Variants in SMAD7 observed in about 807,000 individuals in gnomAD.
SMAD7 encodes the protein SMAD family member 7, also known as MAD (mothers against decapentaplegic, Drosophila) homolog 7.
SMAD7 carries 8 observed loss-of-function variants against 38.7 expected under a neutral mutation model. That is an observed-to-expected ratio of 0.21 (90% confidence interval 0.12 to 0.37). SMAD7 has a LOEUF of 0.37. Ranked by LOEUF, SMAD7 falls within the 10% of genes least tolerant of loss-of-function variation. The pLI is 1.00. For missense variants in SMAD7, 477 were observed against 577.9 expected (o/e 0.83, Z 1.79); for synonymous variants, 327 against 265.1 (o/e 1.23, Z -2.27).
At chr18:48,928,483 T>G (rs2069955205) in intron 3 of SMAD7, among the ~76,000 whole-genome samples, 1 of 152,102 alleles carries the variant, frequency 6.6e-6, no homozygotes, top group Admixed American at 6.6e-5. Context: ...CAGAAATGAC[T>G]TTTTACTCTG....
At chr18:48,943,985 G>A (rs2070170147) in intron 2 of SMAD7, among the ~76,000 whole-genome samples, 1 of 152,126 alleles carries the variant, frequency 6.6e-6, no homozygotes, top group African/African-American at 2.4e-5. Flanking sequence ...GGCTGCGGTG[G>A]GTAGGGGGAA....
At chr18:48,928,843 T>C (rs2069959300) in intron 3 of SMAD7, among the ~76,000 whole-genome samples, 1 of 152,112 alleles carries the variant, frequency 6.6e-6, no homozygotes, top group Non-Finnish European at 1.5e-5. Flanking sequence ...TATCTCGCCA[T>C]GGAGAATGTA....
intron 3 of SMAD7, among the ~76,000 whole-genome samples, chr18:48,940,947 T>C (rs944869076): frequency 2.0e-5 from 3 of 152,168 alleles, no homozygotes; most frequent in African/African-American, 7.2e-5. Context: ...AGACAAGATG[T>C]TATCAAGAAG....
In SMAD7 at chr18:48,920,474, G is replaced by C. The variant is rs1263378036; in HGVS notation, c.*898C>G. 6.6e-6 allele frequency: 1 copy of C among 152,452 alleles called. No homozygotes were observed. The highest frequency in any genetic ancestry group is 2.4e-5 in the African/African-American group (1 of 41,450). The allele number at this position is 152,452 out of a possible 1,614,324, so 9.4% of individuals were successfully genotyped here. A position where few individuals can be genotyped will look rare whatever the true frequency, so the allele number is the denominator to read the frequency against. ...TAGCAGAGCTTAACACACAGGATGG[G>C]AGCAGGCAGTGCTGAGCTGGTTTTC... is the stretch of plus-strand genomic sequence containing the variant. On this transcript the variant is annotated 3_prime_UTR_variant, in exon 4 of 4. Coordinates refer to ENST00000262158, the MANE Select transcript of SMAD7 (RefSeq NM_005904.4).
chr18:48,922,951 G>T (rs1433812252), intron 3 of SMAD7, among the ~76,000 whole-genome samples: 4 of 152,164 alleles, frequency 2.6e-5, no homozygotes, highest in African/African-American at 9.7e-5. Flanking sequence ...ACTTTAAAAG[G>T]GGGGTCACAC....
chr18:48,948,196 G>A (rs189216019), intron 2 of SMAD7, among the ~76,000 whole-genome samples, 188 bp downstream of exon 2: 9 of 152,274 alleles, frequency 5.9e-5, no homozygotes, highest in Non-Finnish European at 7.3e-5. Context: ...TCAAGGGAAC[G>A]TCTTTGCAAA....
chr18:48,926,824 C>A (rs1479247260), intron 3 of SMAD7, among the ~76,000 whole-genome samples: 1 of 152,216 alleles, frequency 6.6e-6, no homozygotes, highest in Non-Finnish European at 1.5e-5. Flanking sequence ...ATCCCCTGCT[C>A]CCAACCCTGT....
chr18:48,921,510 A>G lies in SMAD7; in HGVS notation c.1143T>C (p.Asn381=), dbSNP rs373794913. ...YEKAYSLQRP[N]DHEFMQQPWT... is the part of the protein sequence containing the mutation. ...ACGGCTGCTGCATAAACTCGTGGTC[A>G]TTGGGCCGCTGCAGGCTGTACGCCT... Residue 381 remains asparagine, a synonymous_variant, in exon 4 of 4, where the codon AAT becomes AAC. Coordinates refer to ENST00000262158, the MANE Select transcript of SMAD7 (RefSeq NM_005904.4). The surrounding 1 kb of genome is among the most constrained non-coding windows in gnomAD (Gnocchi z 6.4). The G allele has an allele frequency of 6.2e-7, 1 of 1,614,102 alleles. No homozygotes were observed. Among genetic ancestry groups the G allele is most frequent in the African/African-American group, 1.3e-5 (1 of 74,932 alleles).
In SMAD7 at chr18:48,950,785, C is replaced by G. The variant is rs1250375952; in HGVS notation, c.-361G>C. On this transcript the variant is annotated 5_prime_UTR_variant, in exon 1 of 4. Transcript: ENST00000262158. ...CCGAGCCTGCCCCCGTCGGCGCCTC[C>G]CCAAAAAGAGGCCCCCCCGCAGTGG... is the stretch of plus-strand genomic sequence containing the variant. The G allele has an allele frequency of 3.3e-5, 5 of 150,928 alleles. No homozygotes were observed. The highest frequency in any genetic ancestry group is 1.2e-4 in the African/African-American group (5 of 41,304). 9.3% of individuals were successfully genotyped at this position (150,928 alleles called of 1,614,324 possible). A position where few individuals can be genotyped will look rare whatever the true frequency, so the allele number is the denominator to read the frequency against.
At chr18:48,927,679 C>G (rs967126095) in intron 3 of SMAD7, among the ~76,000 whole-genome samples, 3 of 152,208 alleles carry the variant, frequency 2.0e-5, no homozygotes, top group Non-Finnish European at 2.9e-5. Flanking sequence ...GCTGCACACA[C>G]GTTGGTCTCA....
At chr18:48,943,602 G>A (rs1212860065) in intron 2 of SMAD7, among the ~76,000 whole-genome samples, 4 of 152,188 alleles carry the variant, frequency 2.6e-5, no homozygotes, top group Non-Finnish European at 1.5e-5. Context: ...CGGAGAGCCC[G>A]GCTAAGGAAA....
At chr18:48,941,463 C>A (rs946265634) in intron 3 of SMAD7, among the ~76,000 whole-genome samples, 1 of 152,194 alleles carries the variant, frequency 6.6e-6, no homozygotes, top group Non-Finnish European at 1.5e-5. Flanking sequence ...GGAAGACACA[C>A]CACCAAGTAG....
intron 3 of SMAD7, among the ~76,000 whole-genome samples, chr18:48,923,508 G>A (rs2069889018): frequency 6.6e-6 from 1 of 152,190 alleles, no homozygotes; most frequent in Non-Finnish European, 1.5e-5. Flanking sequence ...AGCAGCCAGT[G>A]TTGGATGGAG....
chr18:48,936,651 T>C (rs1482732650), intron 3 of SMAD7, among the ~76,000 whole-genome samples: 1 of 152,184 alleles, frequency 6.6e-6, no homozygotes, highest in Non-Finnish European at 1.5e-5. Context: ...CTTTACACCT[T>C]TTTTTTCTTC....
intron 2 of SMAD7, among the ~76,000 whole-genome samples, chr18:48,945,110 CA>C (rs1311859524): frequency 6.6e-6 from 1 of 152,194 alleles, no homozygotes; most frequent in Non-Finnish European, 1.5e-5. Flanking sequence ...CCAAGGGTCC[CA>C]GCTCTGCCCC....
chr18:48,929,573 TCACA>T (rs6146310), intron 3 of SMAD7, among the ~76,000 whole-genome samples: 7 of 137,418 alleles, frequency 5.1e-5, no homozygotes, highest in African/African-American at 1.4e-4. Context: ...TCTCTCTCAC[TCACA>T]CACACACACA....
At position 48,929,550 on chromosome 18, in the gene SMAD7, T is replaced by TTCTC. The variant is rs377221337; in HGVS notation, c.743-7644_743-7641dup. Reference sequence around the variant, plus strand: ...TCTCTCTCTCAATCTCTTTCTCTCTTTCTCTCTCTCTCTCTCTCTCACTCA... The same window carrying TTCTC: ...TCTCTCTCTCAATCTCTTTCTCTCTTTCTCTCTCTCTCTCTCTCTCTCTCACTCA... On this transcript the variant is annotated intron_variant, in intron 3 of 3. Coordinates refer to ENST00000262158, the MANE Select transcript of SMAD7 (RefSeq NM_005904.4). Among the ~76,000 whole-genome samples, 8 of 77,526 alleles carry TTCTC rather than the reference T, an allele frequency of 1.0e-4. No homozygotes were observed. The East Asian group carries it at 1.2e-3, about 12-fold the overall frequency. The allele number at this position is 77,526 out of a possible 152,430, so 50.9% of individuals were successfully genotyped here. A position where few individuals can be genotyped will look rare whatever the true frequency, so the allele number is the denominator to read the frequency against.
At chr18:48,948,971 ACT>A (rs986408778) in intron 1 of SMAD7, among the ~76,000 whole-genome samples, 7 of 152,070 alleles carry the variant, frequency 4.6e-5, no homozygotes, top group Non-Finnish European at 7.4e-5. Context: ...CTCACATCAC[ACT>A]CTGTGTACAG....
intron 3 of SMAD7, among the ~76,000 whole-genome samples, chr18:48,931,996 T>C (rs2070008034): frequency 6.6e-6 from 1 of 152,238 alleles, no homozygotes; most frequent in Admixed American, 6.5e-5. Context: ...CAGCAGGGTT[T>C]TGATTGTGCC....
Sources: gnomAD v4.1 joint callset for allele counts (sites outside exome capture counted in the v4.1 genomes callset) on GRCh38, gnomAD v4.1.1 for gene constraint, Gnocchi (gnomAD v3.1) non-coding constraint, MANE v1.5 for transcripts, NCBI Gene and HGNC (gene_info 2026-07-23, HGNC 2026-07-21) for gene names.